The following NEIL1 variants were observed in gnomAD, a reference collection of about 807,000 sequenced individuals.
NEIL1 encodes the protein endonuclease 8-like 1.
Under a neutral mutation model 44.2 loss-of-function variants are expected in NEIL1, and 31 were observed. That is an observed-to-expected ratio of 0.70 (90% confidence interval 0.53 to 0.95). The LOEUF (loss-of-function observed/expected upper bound fraction) is 0.95, where lower values mean the gene tolerates loss of function less well. Ranked by LOEUF, NEIL1 falls within the 40% of genes least tolerant of loss-of-function variation. The probability of loss-of-function intolerance (pLI) is 0.00; values close to 1 mark genes in which losing one functional copy is unlikely to be tolerated. For synonymous variants in NEIL1, 254 were observed against 209.7 expected (o/e 1.21, Z -1.83); for missense variants, 549 against 515.5 (o/e 1.07, Z -0.63).
Position 75,354,675 on chromosome 15 carries a change from C to A in NEIL1, c.959C>A (p.Ala320Asp). Residue 320 changes from alanine to aspartate, a missense_variant, in exon 9 of 10, where the codon GCC becomes GAC. Physicochemically the swap from Ala to Asp is moderately radical, Grantham distance 126. Coordinates refer to ENST00000355059, the MANE Select transcript of NEIL1 (RefSeq NM_024608.4). ...RVEDALPPSK[A>D]PSRTRRAKRD... ...CAGGACGCTTTGCCTCCAAGCAAGG[C>A]CCCTTCCAGGACACGAAGGGCAAAG... 1.2e-6 allele frequency: 2 copies of A among 1,614,144 alleles called. No individual in the cohort carries two copies. Among genetic ancestry groups the A allele is most frequent in the Non-Finnish European group, 1.7e-6 (2 of 1,180,024 alleles).
intron 5 of NEIL1, 111 bp from the exon 6 acceptor site, chr15:75,353,628 A>T (rs948276691): frequency 8.7e-7 from 1 of 1,155,622 alleles, no homozygotes. Context: ...GTGGCCCCTG[A>T]CTCAGTCCAT....
At chr15:75,348,518 G>A (rs2071620751) in intron 1 of NEIL1, 13 of 1,119,072 alleles carry the variant, frequency 1.2e-5, no homozygotes, top group African/African-American at 1.6e-5. Context: ...GGGACAGAGG[G>A]ACAGCAGGGG....
In NEIL1 at chr15:75,354,172, G is replaced by T. The variant is rs1271589223; in HGVS notation, c.847-78G>T. ...GCTACACTGATCTGGATGGGTGTGT[G>T]TGAGTCCTGCCTCTCCAAGGAATAC... On this transcript the variant is annotated intron_variant, in intron 6 of 9. Coordinates refer to ENST00000355059, the MANE Select transcript of NEIL1 (RefSeq NM_024608.4). 31 of 1,502,406 alleles carry T rather than the reference G, an allele frequency of 2.1e-5. 1 individual carries two copies. In the South Asian group the frequency reaches 3.4e-4, roughly 16 times the overall value. 93.1% of individuals were successfully genotyped at this position (1,502,406 alleles called of 1,614,324 possible).
intron 5 of NEIL1, chr15:75,353,370 C>A: frequency 3.0e-6 from 1 of 334,496 alleles, no homozygotes; most frequent in Admixed American, 3.8e-5. Context: ...TACAGGCTCA[C>A]ACCACCACAC....
At chr15:75,348,675 T>C in intron 1 of NEIL1, 1 of 1,425,618 alleles carries the variant, frequency 7.0e-7, no homozygotes, top group Non-Finnish European at 9.1e-7. Context: ...TCCTGCTCCC[T>C]CTGCAGCCCC....
Position 75,352,634 on chromosome 15 carries a change from G to A in NEIL1, c.651G>A (p.Arg217=). 19 of 1,613,504 alleles carry A rather than the reference G, an allele frequency of 1.2e-5. No homozygotes were observed. Among genetic ancestry groups the A allele is most frequent in the Non-Finnish European group, 1.5e-5 (18 of 1,179,718 alleles). Reference sequence around the variant, plus strand: ...AGCTGACCCTGAGCCAGAAGATAAGGACCAAGCTGCAGAATCCAGACCTGC... The same window carrying A: ...AGCTGACCCTGAGCCAGAAGATAAGAACCAAGCTGCAGAATCCAGACCTGC... ...SPELTLSQKI[R]TKLQNPDLLE... is the part of the protein sequence containing the mutation. The change falls in exon 5 of 10, where the codon AGG becomes AGA. Residue 217 remains arginine, a synonymous_variant. Transcript: ENST00000355059.
In NEIL1 at chr15:75,354,498, G is replaced by A; in HGVS notation, c.936+6G>A. The A allele has an allele frequency of 6.2e-7, 1 of 1,614,128 alleles. No individual in the cohort carries two copies. Among genetic ancestry groups the A allele is most frequent in the Non-Finnish European group, 8.5e-7 (1 of 1,179,996 alleles). ...GTCCTGAGGACAGAGTGGAGGTATG[G>A]CTGCCTGCTCCCGCCTCCTCCCCTG... On this transcript the variant is annotated splice_donor_region_variant and intron_variant, in intron 8 of 9. Transcript: ENST00000355059.
chr15:75,356,795 C>A lies in NEIL1; in HGVS notation c.*1761C>A, dbSNP rs137900637. On this transcript the variant is annotated 3_prime_UTR_variant, in exon 10 of 10. Coordinates refer to ENST00000355059, the MANE Select transcript of NEIL1 (RefSeq NM_024608.4). This position sits in a 1 kb window ranked among gnomAD's most constrained non-coding sequence, Gnocchi z 5.8. The stretch of plus-strand genomic sequence containing the variant: ...GGCCTGGTGGGTACCCCACTTACAG[C>A]GAGAGGCTGAGGATGCTGCCTCGCA... 4.3e-6 allele frequency: 7 copies of A among 1,613,998 alleles called. No individual in the cohort carries two copies. The highest frequency in any genetic ancestry group is 8.5e-7 in the Non-Finnish European group (1 of 1,180,014).
Position 75,348,723 on chromosome 15 carries a change from G to C in NEIL1, c.-22-161G>C. ...CCTGGGCTTTCCAGGCACCTGTCCG[G>C]GTAGGGGATTGAGGGCCGTGGCCAG... On this transcript the variant is annotated intron_variant, in intron 1 of 9. Transcript: ENST00000355059. The C allele has an allele frequency of 7.0e-6, 10 of 1,436,152 alleles. No homozygotes were observed. In the South Asian group the frequency reaches 1.2e-4, roughly 17 times the overall value. The allele number at this position is 1,436,152 out of a possible 1,614,324, so 89.0% of individuals were successfully genotyped here.
At chr15:75,348,386 GGA>G in intron 1 of NEIL1, 12 of 986,992 alleles carry the variant, frequency 1.2e-5, no homozygotes, top group Non-Finnish European at 1.4e-5. Flanking sequence ...GGGGGCGCAG[GGA>G]GGGGCGGCCA....
rs964599604 is a variant in NEIL1 at position 75,355,346 on chromosome 15, C to G, written c.*312C>G. ...AGCTCCTCACAAGGCAAACTGAGCC[C>G]CCATCCCAGTCCTCAAGGCTCTGAC... On this transcript the variant is annotated 3_prime_UTR_variant, in exon 10 of 10. Coordinates refer to ENST00000355059, the MANE Select transcript of NEIL1 (RefSeq NM_024608.4). 1.1e-5 allele frequency: 4 copies of G among 354,586 alleles called. No individual in the cohort carries two copies. Among genetic ancestry groups the G allele is most frequent in the Non-Finnish European group, 1.6e-5 (3 of 191,008 alleles). The allele number at this position is 354,586 out of a possible 1,614,324, so 22.0% of individuals were successfully genotyped here. A position where few individuals can be genotyped will look rare whatever the true frequency, so the allele number is the denominator to read the frequency against.
At chr15:75,351,217 C>T in intron 2 of NEIL1, 1 of 450,420 alleles carries the variant, frequency 2.2e-6, no homozygotes, top group South Asian at 1.6e-5. Flanking sequence ...ACACTGTTCT[C>T]ATGTCCTGAG....
intron 1 of NEIL1, 152 bp from the exon 2 acceptor site, chr15:75,348,732 T>C: frequency 2.1e-6 from 3 of 1,439,228 alleles, no homozygotes; most frequent in South Asian, 2.9e-5. Context: ...GGGTAGGGGA[T>C]TGAGGGCCGT....
At chr15:75,348,098 G>C in intron 1 of NEIL1, 1 of 937,052 alleles carries the variant, frequency 1.1e-6, no homozygotes, top group South Asian at 2.4e-5. Flanking sequence ...CAGGCCCGGG[G>C]CAGGAGCTCG....
rs778045672 is a variant in NEIL1 at position 75,355,884 on chromosome 15, AC to A, written c.*851del. 1 of 1,612,814 alleles carries A rather than the reference AC, an allele frequency of 6.2e-7. No homozygotes were observed. On this transcript the variant is annotated 3_prime_UTR_variant, in exon 10 of 10. Coordinates refer to ENST00000355059, the MANE Select transcript of NEIL1 (RefSeq NM_024608.4). ...TAGGAGTCCCCAGAGCCTTCTACAA[AC>A]AAAACCCCAGCCCCAGGGACTCAGT...
intron 1 of NEIL1, chr15:75,348,646 G>A: frequency 1.4e-6 from 2 of 1,388,150 alleles, no homozygotes; most frequent in Non-Finnish European, 1.9e-6. Context: ...GGAAGGAAGC[G>A]GTTAGCAGCA....
Position 75,353,737 on chromosome 15 carries a change from AG to A in NEIL1, c.722del. ...ATCTCTGCCTGTTCCTCTGTCCCAC[AG>A]GGGGCAAAGGCTACGGGTCAGAGAG... On this transcript the variant is annotated splice_acceptor_variant, in intron 5 of 9. Transcript: ENST00000355059. LOFTEE classifies it high-confidence loss of function. 6.2e-7 allele frequency: 1 copy of A among 1,613,954 alleles called. No homozygotes were observed. Among genetic ancestry groups the A allele is most frequent in the African/African-American group, 1.3e-5 (1 of 75,044 alleles).
In NEIL1 at chr15:75,354,788, GGGA is replaced by G. The variant is rs752917162; in HGVS notation, c.1079_1081del (p.Arg360del). 1 of 1,614,114 alleles carries G rather than the reference GGGA, an allele frequency of 6.2e-7. No individual in the cohort carries two copies. Among genetic ancestry groups the G allele is most frequent in the Admixed American group, 1.7e-5 (1 of 60,030 alleles). On this transcript the variant is annotated inframe_deletion, in exon 9 of 10. Transcript: ENST00000355059. ...AGAAGCTCCCACAGTGCCCAAGAAGGGGAGGAGGAAGGGGCGACAGGCAGCCTC... is the reference window on the plus strand; with the variant it reads ...AGAAGCTCCCACAGTGCCCAAGAAGGGGAGGAAGGGGCGACAGGCAGCCTC...
rs545605364 is a variant in NEIL1 at position 75,349,211 on chromosome 15, C to G, written c.306C>G (p.Tyr102Ter). The G allele has an allele frequency of 6.2e-7, 1 of 1,609,340 alleles. No homozygotes were observed. Among genetic ancestry groups the G allele is most frequent in the African/African-American group, 1.3e-5 (1 of 75,076 alleles). Residue 102 changes from tyrosine (Y) to a stop codon, truncating the protein, a stop_gained, in exon 2 of 10, where the codon TAC (tyrosine) becomes TAG (stop). Transcript: ENST00000355059. LOFTEE classifies it high-confidence loss of function. Reference protein sequence around the residue: ...ELPRHAHLRFYTAPPGPRLAL... With the variant: ...ELPRHAHLRF ...CACGCCATGCCCACCTGCGCTTTTACACGGCCCCGCCTGGCCCCCGGCTCG... is the reference window on the plus strand; with the variant it reads ...CACGCCATGCCCACCTGCGCTTTTAGACGGCCCCGCCTGGCCCCCGGCTCG...
Sources: allele counts gnomAD v4.1 joint callset, GRCh38; gene constraint gnomAD v4.1.1; non-coding constraint Gnocchi (gnomAD v3.1); transcripts MANE v1.5; gene names NCBI Gene and HGNC (gene_info 2026-07-23, HGNC 2026-07-21).